Variants in GULP1 observed in about 807,000 individuals in gnomAD.
GULP1 encodes the protein PTB domain-containing engulfment adapter protein 1.
A neutral mutation model predicts 40.9 loss-of-function variants in GULP1; 19 were observed. That is an observed-to-expected ratio of 0.46 (90% CI 0.32 to 0.68). The LOEUF (loss-of-function observed/expected upper bound fraction) is 0.68. Ranked by LOEUF, GULP1 falls within the 30% of genes least tolerant of loss-of-function variation. The pLI, the probability that GULP1 is intolerant of heterozygous loss-of-function variation, is 0.03. For synonymous variants in GULP1, 119 were observed against 117.6 expected (o/e 1.01, Z -0.08); for missense variants, 312 against 362.2 (o/e 0.86, Z 1.12).
intron 4 of GULP1, among the ~76,000 whole-genome samples, chr2:188,508,584 C>A (rs1009209078): frequency 2.0e-5 from 3 of 151,972 alleles, no homozygotes; most frequent in Admixed American, 1.3e-4. Flanking sequence ...TTGTCAGGAC[C>A]CCACCATATT....
chr2:188,446,097 G>A (rs2058361364), intron 2 of GULP1, among the ~76,000 whole-genome samples: 1 of 152,088 alleles, frequency 6.6e-6, no homozygotes, highest in South Asian at 2.1e-4. Flanking sequence ...CTTTTTGAGG[G>A]AGATATCATC....
At chr2:188,417,399 A>G (rs1481708423) in intron 2 of GULP1, among the ~76,000 whole-genome samples, 2 of 152,242 alleles carry the variant, frequency 1.3e-5, no homozygotes, top group East Asian at 1.9e-4. Context: ...GATTATGGAA[A>G]TAACTCAGAT....
At chr2:188,575,814 C>G (rs1466492427) in intron 9 of GULP1, among the ~76,000 whole-genome samples, 1 of 152,002 alleles carries the variant, frequency 6.6e-6, no homozygotes, top group African/African-American at 2.4e-5. Flanking sequence ...TGTGGATCAT[C>G]TGGCTGCTAT....
chr2:188,531,867 A>G (rs1187024052), intron 6 of GULP1, among the ~76,000 whole-genome samples: 1 of 152,198 alleles, frequency 6.6e-6, no homozygotes, highest in African/African-American at 2.4e-5. Flanking sequence ...CTATTCCTAC[A>G]TCTTCTTTTC....
At chr2:188,394,090 T>C (rs1308680148) in intron 2 of GULP1, among the ~76,000 whole-genome samples, 1 of 152,208 alleles carries the variant, frequency 6.6e-6, no homozygotes, top group African/African-American at 2.4e-5. Flanking sequence ...CCAGGAAAGT[T>C]TTTTTCAATT....
At chr2:188,580,255 A>G (rs58571834) in intron 9 of GULP1, among the ~76,000 whole-genome samples, 1,660 of 152,334 alleles carry the variant, frequency 0.011, 37 homozygotes, top group African/African-American at 0.037. Flanking sequence ...ATGGAGGTGT[A>G]TTACAATGGA....
chr2:188,543,534 GATATT>G (rs757136370), intron 7 of GULP1, among the ~76,000 whole-genome samples: 13 of 152,160 alleles, frequency 8.5e-5, no homozygotes, highest in Admixed American at 3.3e-4. Context: ...TTATAACACT[GATATT>G]ATATGTATGC....
At chr2:188,526,090 T>G (rs1298740730) in intron 5 of GULP1, among the ~76,000 whole-genome samples, 2 of 152,132 alleles carry the variant, frequency 1.3e-5, no homozygotes, top group East Asian at 3.8e-4. Context: ...GAGAAATGGA[T>G]AGAAATTATA....
At chr2:188,301,811 A>G (rs964361236) in intron 1 of GULP1, among the ~76,000 whole-genome samples, 3 of 152,212 alleles carry the variant, frequency 2.0e-5, no homozygotes, top group Non-Finnish European at 4.4e-5. Context: ...TGCTTCTTCA[A>G]ATTGCTACAG....
At chr2:188,412,673 C>T (rs575762002) in intron 2 of GULP1, among the ~76,000 whole-genome samples, 3 of 152,228 alleles carry the variant, frequency 2.0e-5, no homozygotes, top group South Asian at 4.1e-4. Context: ...GAGAGCACTC[C>T]GTATACTGCC....
intron 3 of GULP1, among the ~76,000 whole-genome samples, chr2:188,478,109 G>T (rs2061169276): frequency 6.6e-6 from 1 of 151,648 alleles, no homozygotes; most frequent in South Asian, 2.1e-4. Context: ...ATTCATAATT[G>T]TGTGTGTGTG....
chr2:188,437,192 T>TA (rs1171405035), intron 2 of GULP1, among the ~76,000 whole-genome samples: 1 of 152,242 alleles, frequency 6.6e-6, no homozygotes, highest in East Asian at 1.9e-4. Flanking sequence ...TGTTAACACT[T>TA]ATGCTTTCCA....
chr2:188,374,794 G>C (rs1469313786), intron 1 of GULP1, among the ~76,000 whole-genome samples: 2 of 151,958 alleles, frequency 1.3e-5, no homozygotes, highest in Non-Finnish European at 2.9e-5. Context: ...AATTCAGGGT[G>C]CTATTACCAG....
chr2:188,534,889 T>C (rs1168674739), intron 6 of GULP1, among the ~76,000 whole-genome samples: 1 of 151,974 alleles, frequency 6.6e-6, no homozygotes, highest in Non-Finnish European at 1.5e-5. Flanking sequence ...GGGGTTCAAC[T>C]CAACATGATT....
At position 188,519,804 on chromosome 2, in the gene GULP1, A is replaced by G. The variant is rs569826978; in HGVS notation, c.91-2952A>G. 2.8e-4 allele frequency among the ~76,000 whole-genome samples: 42 copies of G among 152,050 alleles called. No individual in the cohort carries two copies. In the South Asian group the frequency reaches 5.2e-3, roughly 19 times the overall value. Reference sequence around the variant, plus strand: ...TAATAAGATTATAGCTTCCAATATGATTCTTTCTCTTTTTTTTTAAATTGA... The same window carrying G: ...TAATAAGATTATAGCTTCCAATATGGTTCTTTCTCTTTTTTTTTAAATTGA... On this transcript the variant is annotated intron_variant, in intron 4 of 11. Coordinates refer to ENST00000409830, the MANE Select transcript of GULP1 (RefSeq NM_016315.4).
chr2:188,434,877 T>A (rs1042125051), intron 2 of GULP1, among the ~76,000 whole-genome samples: 1 of 152,012 alleles, frequency 6.6e-6, no homozygotes, highest in Admixed American at 6.6e-5. Context: ...AGGGATGTTA[T>A]TTTCTCCTCC....
intron 7 of GULP1, among the ~76,000 whole-genome samples, chr2:188,553,557 C>G (rs1385353251): frequency 1.3e-5 from 2 of 151,958 alleles, no homozygotes; most frequent in Non-Finnish European, 2.9e-5. Flanking sequence ...GTTGAGTTAA[C>G]TAGCATTTTG....
intron 11 of GULP1, 153 bp downstream of exon 11, chr2:188,588,102 A>G (rs1702781276): frequency 1.5e-6 from 1 of 669,312 alleles, no homozygotes; most frequent in African/African-American, 1.8e-5. Flanking sequence ...ATGTACAGTT[A>G]GTCCTAAAAA....
chr2:188,309,942 C>T (rs2037789497), intron 1 of GULP1, among the ~76,000 whole-genome samples: 1 of 152,180 alleles, frequency 6.6e-6, no homozygotes, highest in South Asian at 2.1e-4. Flanking sequence ...CTTAATCTGC[C>T]TTCTGCAAGT....
Sources: allele counts gnomAD v4.1 joint callset (sites outside exome capture counted in the v4.1 genomes callset), GRCh38; gene constraint gnomAD v4.1.1; transcripts MANE v1.5; gene names NCBI Gene and HGNC (gene_info 2026-07-23, HGNC 2026-07-21).